The following ESRRB variants were observed in gnomAD, a reference collection of about 807,000 sequenced individuals.
The protein encoded by ESRRB is steroid hormone receptor ERR2.
Under a neutral mutation model 46.0 loss-of-function variants are expected in ESRRB, and 16 were observed. The ratio of observed to expected loss-of-function variants is 0.35; its 90% confidence interval spans 0.24 to 0.53. The LOEUF is 0.53. ESRRB is among the 20% of genes least tolerant of loss of function. The pLI, the probability that ESRRB is intolerant of heterozygous loss-of-function variation, is 0.93. For synonymous variants in ESRRB, 246 were observed against 259.6 expected, an observed-to-expected ratio of 0.95 and a Z score of 0.50; for missense variants, 488 against 607.4, an observed-to-expected ratio of 0.80 and a Z score of 2.07.
At chr14:76,422,094 C>T (rs1886982934) in intron 1 of ESRRB, among the ~76,000 whole-genome samples, 1 of 152,242 alleles carries the variant, frequency 6.6e-6, no homozygotes, top group East Asian at 1.9e-4. Flanking sequence ...CTACAGTCCC[C>T]TCCCTCAAAG....
chr14:76,339,586 G>A (rs1292521652), intron 1 of ESRRB, among the ~76,000 whole-genome samples: 1 of 152,146 alleles, frequency 6.6e-6, no homozygotes, highest in East Asian at 1.9e-4. Flanking sequence ...GTACAGCTGT[G>A]TGGACATGTG....
chr14:76,347,055 G>A (rs1010569057), intron 1 of ESRRB, among the ~76,000 whole-genome samples: 21 of 152,206 alleles, frequency 1.4e-4, no homozygotes, highest in Non-Finnish European at 2.9e-4. Context: ...GTAGCAGGAA[G>A]TGAGGTTTCT....
chr14:76,492,376 A>G (rs915967592), intron 6 of ESRRB, among the ~76,000 whole-genome samples: 2 of 152,180 alleles, frequency 1.3e-5, no homozygotes, highest in African/African-American at 4.8e-5. Context: ...TATGTTGCCC[A>G]GGTTGGTCCC....
chr14:76,487,024 G>A (rs1232278196), intron 5 of ESRRB, among the ~76,000 whole-genome samples: 3 of 152,298 alleles, frequency 2.0e-5, no homozygotes, highest in African/African-American at 7.2e-5. Flanking sequence ...TCGAAATTAA[G>A]AGTTCCAAAT....
At chr14:76,344,814 T>C (rs993246710) in intron 1 of ESRRB, among the ~76,000 whole-genome samples, 3 of 147,522 alleles carry the variant, frequency 2.0e-5, no homozygotes, top group African/African-American at 7.6e-5. Context: ...ACGGTGCCAC[T>C]GCACTCCAGC....
chr14:76,491,576 T>G lies in ESRRB; in HGVS notation c.980T>G (p.Ile327Ser), dbSNP rs745788988. The G allele has an allele frequency of 6.3e-7, 1 of 1,592,092 alleles. No homozygotes were observed. Among genetic ancestry groups the G allele is most frequent in the Non-Finnish European group, 8.5e-7 (1 of 1,169,896 alleles). Residue 327 changes from isoleucine to serine, a missense_variant, in exon 6 of 7, where the codon ATC (isoleucine) becomes AGC (serine). Physicochemically the swap from Ile to Ser is moderately radical, Grantham distance 142 (BLOSUM62 -2). Transcript: ENST00000644823. Reference sequence around the variant, plus strand: ...AAGCTGGTGTACGCTGAGGACTACATCATGGATGAGGAGCACTCCCGCCTC... The same window carrying G: ...AAGCTGGTGTACGCTGAGGACTACAGCATGGATGAGGAGCACTCCCGCCTC... Reference protein sequence around the residue: ...DDKLVYAEDYIMDEEHSRLAG... With the variant: ...DDKLVYAEDYSMDEEHSRLAG...
At chr14:76,337,982 T>G (rs1884147558) in intron 1 of ESRRB, among the ~76,000 whole-genome samples, 1 of 152,214 alleles carries the variant, frequency 6.6e-6, no homozygotes, top group Admixed American at 6.5e-5. Flanking sequence ...GTCTCTGATT[T>G]AAGGGCAGGT....
chr14:76,446,470 G>A (rs1888154117), intron 2 of ESRRB, among the ~76,000 whole-genome samples: 3 of 151,684 alleles, frequency 2.0e-5, no homozygotes, highest in Admixed American at 2.0e-4. Context: ...CCTTCCTGAA[G>A]GAACAGAATG....
intron 6 of ESRRB, among the ~76,000 whole-genome samples, chr14:76,493,591 T>A (rs553859814): frequency 1.1e-4 from 16 of 152,312 alleles, no homozygotes; most frequent in Admixed American, 3.3e-4. Context: ...GTTATTAGCA[T>A]ATGGAAAAGG....
Position 76,500,097 on chromosome 14 carries a change from C to T in ESRRB, c.*1639C>T. ...TTTCTGCAGCTTTTCCATAGAAGCC[C>T]TGGTCCCACCTCCTTGGCTCTACCC... On this transcript the variant is annotated 3_prime_UTR_variant, in exon 7 of 7. Coordinates refer to ENST00000644823, the MANE Select transcript of ESRRB (RefSeq NM_001379180.1). The T allele has an allele frequency of 6.5e-7, 1 of 1,528,264 alleles. No homozygotes were observed. The highest frequency in any genetic ancestry group is 8.9e-7 in the Non-Finnish European group (1 of 1,128,526). 94.7% of individuals were successfully genotyped at this position (1,528,264 alleles called of 1,614,324 possible).
chr14:76,347,441 C>CTGTTCTTTCT (rs1271655826), intron 1 of ESRRB, among the ~76,000 whole-genome samples: 1 of 33,864 alleles, frequency 3.0e-5, no homozygotes, highest in Non-Finnish European at 7.3e-5. Flanking sequence ...GTGTCACACA[C>CTGTTCTTTCT]ACACACCGAG....
chr14:76,360,886 T>C (rs1396288888), intron 1 of ESRRB, among the ~76,000 whole-genome samples: 2 of 152,174 alleles, frequency 1.3e-5, no homozygotes, highest in Non-Finnish European at 2.9e-5. Context: ...TAGATTGACC[T>C]TACTCATTTC....
intron 1 of ESRRB, among the ~76,000 whole-genome samples, chr14:76,326,230 G>GA (rs963991040): frequency 3.3e-5 from 5 of 150,848 alleles, no homozygotes; most frequent in East Asian, 1.9e-4. Context: ...GAAACTAAGG[G>GA]AAAAAAAAAG....
intron 3 of ESRRB, among the ~76,000 whole-genome samples, chr14:76,469,795 C>A (rs1223276599): frequency 2.0e-5 from 3 of 152,158 alleles, no homozygotes; most frequent in Admixed American, 2.0e-4. Flanking sequence ...ATTGACAGCA[C>A]TTGCTATGTT....
chr14:76,335,827 C>T (rs952811168), intron 1 of ESRRB, among the ~76,000 whole-genome samples: 6 of 152,230 alleles, frequency 3.9e-5, no homozygotes, highest in African/African-American at 1.4e-4. Context: ...AAGTTAATCA[C>T]ACCAACCAGC....
rs191454527 is a variant in ESRRB, at chr14:76,397,269, C to G, written c.50+20818C>G. Reference sequence around the variant, plus strand: ...TGAGCCCCCCATCTTACAGATGCCTCAGGAGGGGGCTTGTAGAGGTGACCC... The same window carrying G: ...TGAGCCCCCCATCTTACAGATGCCTGAGGAGGGGGCTTGTAGAGGTGACCC... On this transcript the variant is annotated intron_variant, in intron 1 of 6. Transcript: ENST00000644823. 1.3e-3 allele frequency among the ~76,000 whole-genome samples: 199 copies of G among 152,318 alleles called. 1 individual carries two copies. In the Middle Eastern group the frequency reaches 0.02, roughly 16 times the overall value.
chr14:76,391,389 A>G (rs1885463731), intron 1 of ESRRB, among the ~76,000 whole-genome samples: 1 of 152,248 alleles, frequency 6.6e-6, no homozygotes, highest in Admixed American at 6.5e-5. Context: ...AGATACACAC[A>G]GTTCCCAGCC....
intron 6 of ESRRB, among the ~76,000 whole-genome samples, chr14:76,495,091 T>C (rs1890372319): frequency 1.3e-5 from 2 of 151,554 alleles, no homozygotes; most frequent in Admixed American, 1.3e-4. Context: ...TACACACACA[T>C]GTGAACACAC....
At chr14:76,496,705 C>G (rs1227358978) in intron 6 of ESRRB, among the ~76,000 whole-genome samples, 1 of 152,136 alleles carries the variant, frequency 6.6e-6, no homozygotes, top group African/African-American at 2.4e-5. Flanking sequence ...GCCCTCAGGG[C>G]GACCATGGGT....
Sources: allele counts gnomAD v4.1 joint callset (sites outside exome capture counted in the v4.1 genomes callset), GRCh38; gene constraint gnomAD v4.1.1; transcripts MANE v1.5; gene names NCBI Gene and HGNC (gene_info 2026-07-23, HGNC 2026-07-21).